GPM6B: variants seen among roughly 807,000 people sequenced by gnomAD.
GPM6B encodes the protein neuronal membrane glycoprotein M6-b.
In GPM6B, 4 loss-of-function variants were observed where a neutral mutation model predicts 27.2. The observed-to-expected ratio is 0.15, with a 90% CI of 0.07 to 0.34. GPM6B has a LOEUF of 0.34. GPM6B is among the 10% of genes least tolerant of loss of function. The pLI, the probability that GPM6B is intolerant of heterozygous loss-of-function variation, is 1.00. For synonymous variants in GPM6B, 124 were observed against 103.1 expected (o/e 1.20, Z -1.23); for missense variants, 183 against 261.9 (o/e 0.70, Z 2.08).
rs184850291 is a variant in GPM6B at position 13,797,848 on chromosome X, C to A, written c.181+9802G>T. On this transcript the variant is annotated intron_variant, in intron 2 of 7. Transcript: ENST00000316715. ...CAAAGCTGTGGAGCTATTAAGCAATCAACATCATGCAACATTTTCTATTCG... is the reference window on the plus strand; with the variant it reads ...CAAAGCTGTGGAGCTATTAAGCAATAAACATCATGCAACATTTTCTATTCG... Among the ~76,000 whole-genome samples, 207 of 111,478 alleles carry A rather than the reference C, an allele frequency of 1.9e-3. 1 individual carries two copies. The highest frequency in any genetic ancestry group is 6.0e-3 in the African/African-American group (185 of 30,607).
At chrX:13,856,126 G>A (rs2049777077) in intron 1 of GPM6B, among the ~76,000 whole-genome samples, 2 of 111,762 alleles carry the variant, frequency 1.8e-5, no homozygotes, top group Admixed American at 1.9e-4. Context: ...TAACTCTCTG[G>A]TTTCTTACAT....
At chrX:13,851,023 C>T (rs959656222) in intron 1 of GPM6B, among the ~76,000 whole-genome samples, 8 of 108,996 alleles carry the variant, frequency 7.3e-5, no homozygotes, top group Admixed American at 2.9e-4. Flanking sequence ...ATTAGCTGGG[C>T]GCGGTGGTGC....
intron 1 of GPM6B, among the ~76,000 whole-genome samples, chrX:13,923,240 G>A (rs1399182750): frequency 9.0e-6 from 1 of 110,895 alleles, no homozygotes; most frequent in Non-Finnish European, 1.9e-5. Context: ...CTGCTGCCCA[G>A]GGACAGCAGG....
chrX:13,843,881 T>C (rs1338194812), intron 1 of GPM6B, among the ~76,000 whole-genome samples: 3 of 112,070 alleles, frequency 2.7e-5, no homozygotes, highest in Non-Finnish European at 5.6e-5. Context: ...CTTGATGGTG[T>C]CCTTTGCAGC....
intron 2 of GPM6B, among the ~76,000 whole-genome samples, chrX:13,801,826 T>C (rs779326956): frequency 9.0e-6 from 1 of 111,645 alleles, no homozygotes; most frequent in Non-Finnish European, 1.9e-5. Flanking sequence ...GTGAAAGCAT[T>C]GTTCATGGAA....
chrX:13,843,614 T>C (rs768472542), intron 1 of GPM6B, among the ~76,000 whole-genome samples: 8 of 112,460 alleles, frequency 7.1e-5, no homozygotes, highest in Non-Finnish European at 1.1e-4. Context: ...GTATTTACTG[T>C]CTTTTGATTT....
chrX:13,774,594 A>G (rs749687687), intron 7 of GPM6B: 5 of 1,207,669 alleles, frequency 4.1e-6, no homozygotes, highest in Non-Finnish European at 5.6e-6. Flanking sequence ...AAAACCGCAT[A>G]GTTATATGTA....
chrX:13,778,049 GGTTT>G (rs1379288361), intron 5 of GPM6B, among the ~76,000 whole-genome samples: 52 of 85,732 alleles, frequency 6.1e-4, no homozygotes, highest in Middle Eastern at 6.3e-3. Context: ...AAATCAAATT[GGTTT>G]GTTTTTTTTT....
At chrX:13,878,967 AAC>A (rs776700954) in intron 1 of GPM6B, among the ~76,000 whole-genome samples, 71 of 111,806 alleles carry the variant, frequency 6.4e-4, no homozygotes, top group African/African-American at 2.2e-3. Context: ...TCTAGAAAGA[AAC>A]ACAGTTCATC....
At chrX:13,910,634 G>A (rs1401521637) in intron 1 of GPM6B, among the ~76,000 whole-genome samples, 1 of 113,164 alleles carries the variant, frequency 8.8e-6, no homozygotes, top group Non-Finnish European at 1.9e-5. Context: ...ACAAATAACA[G>A]TGAAGGGAGA....
intron 1 of GPM6B, chrX:13,889,633 CAG>C (rs1251946600): frequency 1.4e-4 from 16 of 111,037 alleles, no homozygotes; most frequent in African/African-American, 5.3e-4. Flanking sequence ...CCAATGATCT[CAG>C]AATCATGGTT....
At chrX:13,891,926 G>C (rs2050192391) in intron 1 of GPM6B, among the ~76,000 whole-genome samples, 1 of 111,644 alleles carries the variant, frequency 9.0e-6, no homozygotes, top group Non-Finnish European at 1.9e-5. Context: ...TGCCAAATAG[G>C]AGTCACAGAA....
At chrX:13,928,417 G>A (rs1921315203) in intron 1 of GPM6B, among the ~76,000 whole-genome samples, 1 of 112,343 alleles carries the variant, frequency 8.9e-6, no homozygotes, top group South Asian at 3.7e-4. Context: ...ATATAATAGA[G>A]CTCAAAACAG....
At chrX:13,863,606 G>C (rs960086796) in intron 1 of GPM6B, among the ~76,000 whole-genome samples, 1 of 112,006 alleles carries the variant, frequency 8.9e-6, no homozygotes, top group African/African-American at 3.2e-5. Flanking sequence ...GAGAAAGGTT[G>C]TTCTTTCTCC....
intron 1 of GPM6B, among the ~76,000 whole-genome samples, chrX:13,935,747 C>A (rs908136610): frequency 8.9e-6 from 1 of 112,202 alleles, no homozygotes; most frequent in Non-Finnish European, 1.9e-5. Flanking sequence ...AGAGTTAACA[C>A]TGAAGGGTGT....
chrX:13,865,559 A>AAAAAAAAAAAAAAAAAGAAAG (rs34662549), intron 1 of GPM6B, among the ~76,000 whole-genome samples: 1 of 52,926 alleles, frequency 1.9e-5, no homozygotes, highest in East Asian at 9.8e-4. Flanking sequence ...AAAAAAAAAA[A>AAAAAAAAAAAAAAAAAGAAAG]AAAGAAAGAA....
chrX:13,780,880 TG>T, intron 4 of GPM6B: 1 of 281,894 alleles, frequency 3.5e-6, no homozygotes, highest in South Asian at 3.3e-5. Context: ...GGAGACCTGA[TG>T]GTCACCCCTA....
chrX:13,809,101 C>T (rs2049077496), intron 1 of GPM6B, among the ~76,000 whole-genome samples: 1 of 111,676 alleles, frequency 9.0e-6, no homozygotes, highest in African/African-American at 3.3e-5. Context: ...GTACTTATTA[C>T]ATTTGTCACA....
intron 7 of GPM6B, chrX:13,774,673 C>T (rs776382180): frequency 3.5e-5 from 35 of 993,089 alleles, no homozygotes; most frequent in Non-Finnish European, 4.9e-5. Flanking sequence ...CAGTGAGGGC[C>T]GATGCCATGA....
Sources: gnomAD v4.1 joint callset for allele counts (sites outside exome capture counted in the v4.1 genomes callset) on GRCh38, gnomAD v4.1.1 for gene constraint, MANE v1.5 for transcripts, NCBI Gene and HGNC (gene_info 2026-07-23, HGNC 2026-07-21) for gene names.